ASMTL: variants seen among roughly 807,000 people sequenced by gnomAD.
ASMTL encodes the protein acetylserotonin O-methyltransferase like, also known as probable bifunctional dTTP/UTP pyrophosphatase/methyltransferase protein.
ASMTL carries 57 observed loss-of-function variants against 60.3 expected under a neutral mutation model. The ratio of observed to expected loss-of-function variants is 0.95; its 90% CI spans 0.76 to 1.18. The LOEUF (loss-of-function observed/expected upper bound fraction) is 1.18. Ranked by LOEUF, ASMTL falls within the 50% of genes most tolerant of loss-of-function variation. The probability of loss-of-function intolerance (pLI) is 0.00; values close to 1 mark genes in which losing one functional copy is unlikely to be tolerated. For missense variants in ASMTL, 981 were observed against 852.6 expected, an observed-to-expected ratio of 1.15 and a Z score of -1.88; for synonymous variants, 419 against 373.0, an observed-to-expected ratio of 1.12 and a Z score of -1.42.
intron 1 of ASMTL, among the ~76,000 whole-genome samples, chrX:1,443,397 T>A (rs867714719): frequency 0.21 from 17,028 of 79,774 alleles, 2,312 homozygotes; most frequent in African/African-American, 0.44. Flanking sequence ...CGCCGCCATC[T>A]TGGACACACG....
At chrX:1,435,647 C>T in intron 4 of ASMTL, 47 bp downstream of exon 4, 1 of 1,594,950 alleles carries the variant, frequency 6.3e-7, no homozygotes, top group Non-Finnish European at 8.6e-7. Flanking sequence ...CACAGCTACT[C>T]TGTGGCTCAG....
rs759682182 is a variant in ASMTL at position 1,419,119 on chromosome X, AAC to A, written c.1246-7_1246-6del. 7.4e-6 allele frequency: 12 copies of A among 1,610,862 alleles called. No individual in the cohort carries two copies. The East Asian group carries it at 1.8e-4, about 24-fold the overall frequency. ...CGGGCTCTGGTAGTACGCATCCTGG[AAC>A]ACAGCAGGTGCTTAGGGGCACCAGA... On this transcript the variant is annotated splice_polypyrimidine_tract_variant and splice_region_variant and intron_variant, in intron 9 of 12. Transcript: ENST00000381317.
chrX:1,428,177 G>C (rs5948864), intron 6 of ASMTL, 56 bp from the exon 7 acceptor site: 1,073,259 of 1,543,398 alleles, frequency 0.7, 376,449 homozygotes, highest in East Asian at 0.84. Context: ...TCCTGGGTCT[G>C]AACATTTCAC....
At chrX:1,448,224 T>G (rs1332600786) in intron 1 of ASMTL, among the ~76,000 whole-genome samples, 4 of 149,332 alleles carry the variant, frequency 2.7e-5, no homozygotes, top group East Asian at 2.0e-4. Flanking sequence ...CACACCATCT[T>G]GGACACACAC....
rs1403853674 is a variant in ASMTL, at chrX:1,450,800, G to T, written c.93+1948C>A. Among the ~76,000 whole-genome samples, 2 of 143,354 alleles carry T rather than the reference G, an allele frequency of 1.4e-5. 1 individual carries two copies. Among genetic ancestry groups the T allele is most frequent in the African/African-American group, 5.3e-5 (2 of 38,022 alleles). 94.0% of individuals were successfully genotyped at this position (143,354 alleles called of 152,430 possible). A position where few individuals can be genotyped will look rare whatever the true frequency, so the allele number is the denominator to read the frequency against. ...CCCTCCCCCAACCCTAGGGGTCCCA[G>T]GTTACTTTCCCCACCCACATCCCTA... On this transcript the variant is annotated intron_variant, in intron 1 of 12. Coordinates refer to ENST00000381317, the MANE Select transcript of ASMTL (RefSeq NM_004192.4).
intron 1 of ASMTL, among the ~76,000 whole-genome samples, chrX:1,450,016 T>C (rs1335408946): frequency 1.7e-4 from 20 of 116,788 alleles, no homozygotes; most frequent in East Asian, 8.1e-4. Context: ...AGTAACTATC[T>C]CCCATCACCA....
intron 9 of ASMTL, among the ~76,000 whole-genome samples, chrX:1,419,944 CTGTCTCTGTCTCCGTCTGTG>C (rs1243886334): frequency 6.6e-6 from 1 of 152,132 alleles, no homozygotes; most frequent in East Asian, 1.9e-4. Context: ...CTCTGTCTGT[CTGTCTCTGTCTCCGTCTGTG>C]TGTCTCTGTC....
At chrX:1,430,131 C>T (rs1372053059) in intron 6 of ASMTL, among the ~76,000 whole-genome samples, 1 of 152,010 alleles carries the variant, frequency 6.6e-6, no homozygotes, top group Non-Finnish European at 1.5e-5. Context: ...TCTCCTGTCT[C>T]AGCCTCCTGG....
In ASMTL at chrX:1,425,528, G is replaced by A; in HGVS notation, c.1057C>T (p.Gln353Ter). 1 of 1,612,006 alleles carries A rather than the reference G, an allele frequency of 6.2e-7. No homozygotes were observed. The highest frequency in any genetic ancestry group is 8.5e-7 in the Non-Finnish European group (1 of 1,179,246). The change falls in exon 8 of 13, where the codon CAA becomes TAA. Residue 353 changes from glutamine to a stop codon, truncating the protein, a stop_gained. Coordinates refer to ENST00000381317, the MANE Select transcript of ASMTL (RefSeq NM_004192.4). LOFTEE classifies it high-confidence loss of function. ...AAMGLLEKTEQGYSNTETANV... is the reference protein window; with the variant it reads ...AAMGLLEKTE ...AAAACCCGCTGGGTCCTGTCACCTT[G>A]CTCTGTCTTCTCCAGGAGCCCCATG... is the stretch of plus-strand genomic sequence containing the variant.
chrX:1,421,121 A>T (rs1267887771), intron 9 of ASMTL, among the ~76,000 whole-genome samples: 1 of 151,508 alleles, frequency 6.6e-6, no homozygotes, highest in Non-Finnish European at 1.5e-5. Flanking sequence ...CATCATCCCC[A>T]GCTAATTTTT....
In ASMTL at chrX:1,417,865, G is replaced by A. The variant is rs369247636; in HGVS notation, c.1522+108C>T. The stretch of plus-strand genomic sequence containing the variant: ...CCATTTGCACACACATACCCACCAT[G>A]GAAACGCCCAGGCAGAAACACAGGT... On this transcript the variant is annotated intron_variant, in intron 11 of 12. Transcript: ENST00000381317. The A allele has an allele frequency of 9.8e-5, 140 of 1,424,310 alleles. No homozygotes were observed. The African/African-American group carries it at 1.3e-3, about 13-fold the overall frequency. 88.2% of individuals were successfully genotyped at this position (1,424,310 alleles called of 1,614,324 possible).
In ASMTL at chrX:1,425,537, T is replaced by A; in HGVS notation, c.1048A>T (p.Lys350Ter). Reference sequence around the variant, plus strand: ...TGGGTCCTGTCACCTTGCTCTGTCTTCTCCAGGAGCCCCATGGCAGCACAG... The same window carrying A: ...TGGGTCCTGTCACCTTGCTCTGTCTACTCCAGGAGCCCCATGGCAGCACAG... ...DICAAMGLLE[K>*]TEQGYSNTET... Residue 350 changes from lysine to a stop codon, truncating the protein, a stop_gained, in exon 8 of 13, where the codon AAG becomes TAG. Coordinates refer to ENST00000381317, the MANE Select transcript of ASMTL (RefSeq NM_004192.4). LOFTEE classifies it high-confidence loss of function. 1 of 1,612,820 alleles carries A rather than the reference T, an allele frequency of 6.2e-7. No individual in the cohort carries two copies. Among genetic ancestry groups the A allele is most frequent in the South Asian group, 1.1e-5 (1 of 91,052 alleles).
At chrX:1,434,401 G>A (rs2090902761) in intron 5 of ASMTL, among the ~76,000 whole-genome samples, 1 of 151,506 alleles carries the variant, frequency 6.6e-6, no homozygotes, top group Non-Finnish European at 1.5e-5. Flanking sequence ...GAGGCGGGAG[G>A]ATCGCTGGAG....
chrX:1,434,005 C>T (rs747157233), intron 5 of ASMTL, among the ~76,000 whole-genome samples: 88 of 152,260 alleles, frequency 5.8e-4, no homozygotes, highest in African/African-American at 2.1e-3. Context: ...GGATATGGGG[C>T]TGGGATTGTG....
chrX:1,439,339 A>T (rs1322621509), intron 2 of ASMTL, among the ~76,000 whole-genome samples, 195 bp from the exon 3 acceptor site: 4 of 152,136 alleles, frequency 2.6e-5, no homozygotes, highest in Non-Finnish European at 4.4e-5. Flanking sequence ...CAGGGGCTGG[A>T]ACGTGGGTGA....
chrX:1,443,852 C>T (rs187162702), intron 1 of ASMTL, among the ~76,000 whole-genome samples: 218 of 151,940 alleles, frequency 1.4e-3, no homozygotes, highest in African/African-American at 5.0e-3. Flanking sequence ...CGAGGACACA[C>T]ACCACCATCG....
chrX:1,450,429 C>G (rs777009127), intron 1 of ASMTL, among the ~76,000 whole-genome samples: 1 of 151,772 alleles, frequency 6.6e-6, no homozygotes, highest in Non-Finnish European at 1.5e-5. Context: ...TCCCCTCCCC[C>G]ACCCCTAGGG....
chrX:1,434,997 A>AC lies in ASMTL; in HGVS notation c.400+24dup, dbSNP rs752882924. 5.0e-6 allele frequency: 8 copies of AC among 1,613,148 alleles called. No individual in the cohort carries two copies. In the South Asian group the frequency reaches 8.8e-5, roughly 18 times the overall value. Reference sequence around the variant, plus strand: ...GGTCCTTGTCTCGGCCTCTGGGGCTACCCCGAAACCTGGGCCGCGGTTACC... The same window carrying AC: ...GGTCCTTGTCTCGGCCTCTGGGGCTACCCCCGAAACCTGGGCCGCGGTTACC... On this transcript the variant is annotated intron_variant, in intron 5 of 12. Coordinates refer to ENST00000381317, the MANE Select transcript of ASMTL (RefSeq NM_004192.4).
intron 3 of ASMTL, 94 bp downstream of exon 3, chrX:1,439,003 T>TA (rs1467226951): frequency 3.7e-5 from 51 of 1,360,516 alleles, no homozygotes; most frequent in Non-Finnish European, 5.1e-5. Flanking sequence ...ACTGCTGTCT[T>TA]AAGGGGAATG....
Sources: allele counts gnomAD v4.1 joint callset (sites outside exome capture counted in the v4.1 genomes callset), GRCh38; gene constraint gnomAD v4.1.1; transcripts MANE v1.5; gene names NCBI Gene and HGNC (gene_info 2026-07-23, HGNC 2026-07-21).